MOCOS: variants seen among roughly 807,000 people sequenced by gnomAD.
The protein encoded by MOCOS is molybdenum cofactor sulfurase.
A neutral mutation model predicts 83.6 loss-of-function variants in MOCOS; 86 were observed. The observed-to-expected ratio is 1.03, with a 90% CI of 0.86 to 1.23. The LOEUF (loss-of-function observed/expected upper bound fraction) is 1.23. MOCOS is among the 50% of genes most tolerant of loss of function. The pLI is 0.00. For synonymous variants in MOCOS, 445 were observed against 434.7 expected (o/e 1.02, Z -0.29); for missense variants, 1,120 against 1,126.9 (o/e 0.99, Z 0.09).
chr18:36,194,460 G>A (rs1363593359), intron 1 of MOCOS, among the ~76,000 whole-genome samples: 1 of 152,194 alleles, frequency 6.6e-6, no homozygotes, highest in African/African-American at 2.4e-5. Flanking sequence ...GGATATTTAA[G>A]TTGTTTCCAA....
intron 9 of MOCOS, among the ~76,000 whole-genome samples, chr18:36,245,115 A>G (rs560620940): frequency 1.3e-3 from 196 of 152,230 alleles, no homozygotes; most frequent in Non-Finnish European, 2.1e-3. Context: ...CATTTAGGCC[A>G]TTTACATTCA....
rs948611606 is a variant in MOCOS, at chr18:36,200,337, C to G, written c.941+13C>G. The G allele has an allele frequency of 6.2e-7, 1 of 1,613,782 alleles. No individual in the cohort carries two copies. The highest frequency in any genetic ancestry group is 8.5e-7 in the Non-Finnish European group (1 of 1,180,012). On this transcript the variant is annotated intron_variant, in intron 4 of 14. Transcript: ENST00000261326. ...CGGTAGCTCAGAGGTAACCTTGCCA[C>G]AGGGGAGGGGTCAGAGGAGTTCAGC...
intron 1 of MOCOS, among the ~76,000 whole-genome samples, chr18:36,193,160 A>G (rs2091372773): frequency 6.7e-6 from 1 of 149,354 alleles, no homozygotes; most frequent in South Asian, 2.2e-4. Flanking sequence ...AAATACAAAA[A>G]ATTAGCCGGG....
At chr18:36,264,702 T>C (rs116632098) in intron 13 of MOCOS, among the ~76,000 whole-genome samples, 1 of 152,038 alleles carries the variant, frequency 6.6e-6, no homozygotes, top group African/African-American at 2.4e-5. Context: ...CCTGGGAATC[T>C]TGACTTCGGT....
At chr18:36,220,383 C>G (rs930032920) in intron 9 of MOCOS, among the ~76,000 whole-genome samples, 166 bp downstream of exon 9, 1 of 151,870 alleles carries the variant, frequency 6.6e-6, no homozygotes, top group Non-Finnish European at 1.5e-5. Context: ...GGAGCACGTG[C>G]CTGTAATCTC....
At chr18:36,247,192 T>A (rs1173695142) in intron 9 of MOCOS, among the ~76,000 whole-genome samples, 3 of 152,166 alleles carry the variant, frequency 2.0e-5, no homozygotes, top group Admixed American at 1.3e-4. Context: ...AAGGCCAGTC[T>A]CACTCCCACT....
chr18:36,220,156 G>C lies in MOCOS; in HGVS notation c.1899G>C (p.Arg633=). 1 of 1,614,120 alleles carries C rather than the reference G, an allele frequency of 6.2e-7. No individual in the cohort carries two copies. The highest frequency in any genetic ancestry group is 2.2e-5 in the East Asian group (1 of 44,882). ...GVCLSQKQEP[R]LCLIQPFIDL... The stretch of plus-strand genomic sequence containing the variant: ...GCCTGAGTCAGAAGCAGGAACCCCG[G>C]CTCTGCCTGATCCAGCCCTTCATCG... The change falls in exon 9 of 15, where the codon CGG becomes CGC. Residue 633 remains arginine (R), a synonymous_variant. Coordinates refer to ENST00000261326, the MANE Select transcript of MOCOS (RefSeq NM_017947.4).
chr18:36,257,346 T>C (rs533648463), intron 12 of MOCOS, among the ~76,000 whole-genome samples: 1 of 152,314 alleles, frequency 6.6e-6, no homozygotes, highest in African/African-American at 2.4e-5. Context: ...TGTTTAATCA[T>C]TCAATTTCTT....
chr18:36,211,476 C>A (rs564244263), intron 6 of MOCOS, among the ~76,000 whole-genome samples: 1 of 152,142 alleles, frequency 6.6e-6, no homozygotes, highest in Non-Finnish European at 1.5e-5. Context: ...ATATACATCC[C>A]TTAGCACAGG....
intron 1 of MOCOS, chr18:36,190,075 T>C (rs1779079292): frequency 6.6e-6 from 1 of 152,196 alleles, no homozygotes. Flanking sequence ...AATTAACCAT[T>C]GGACCAAAAG....
At chr18:36,194,455 TTTAAG>T (rs1288730537) in intron 1 of MOCOS, among the ~76,000 whole-genome samples, 2 of 152,250 alleles carry the variant, frequency 1.3e-5, no homozygotes, top group African/African-American at 2.4e-5. Flanking sequence ...TTGATGGATA[TTTAAG>T]TTGTTTCCAA....
At chr18:36,216,920 C>T (rs1412694017) in intron 8 of MOCOS, among the ~76,000 whole-genome samples, 1 of 152,146 alleles carries the variant, frequency 6.6e-6, no homozygotes, top group Non-Finnish European at 1.5e-5. Context: ...GGTCCTGAGG[C>T]ATTCCTACCA....
intron 9 of MOCOS, among the ~76,000 whole-genome samples, chr18:36,221,924 C>T (rs376695828): frequency 2.0e-5 from 3 of 152,098 alleles, no homozygotes; most frequent in South Asian, 4.2e-4. Context: ...AGGGTTTCTC[C>T]GTGTTGGTAA....
chr18:36,215,404 T>C, intron 7 of MOCOS, 112 bp from the exon 8 acceptor site: 1 of 1,011,212 alleles, frequency 9.9e-7, no homozygotes, highest in Non-Finnish European at 1.5e-6. Flanking sequence ...ATGTTGCAGT[T>C]CTGTTTTCCT....
At chr18:36,236,016 AG>A in intron 9 of MOCOS, among the ~76,000 whole-genome samples, 1 of 144,178 alleles carries the variant, frequency 6.9e-6, no homozygotes, top group Non-Finnish European at 1.5e-5. Flanking sequence ...AGTTCATTGT[AG>A]ATTCTGGATA....
chr18:36,250,813 T>C (rs592713), intron 10 of MOCOS, among the ~76,000 whole-genome samples: 87,463 of 151,978 alleles, frequency 0.58, 26,222 homozygotes, highest in African/African-American at 0.73. Flanking sequence ...AAATAGGACA[T>C]ATTTCTGGGT....
At chr18:36,202,813 G>A (rs1382634367) in intron 4 of MOCOS, among the ~76,000 whole-genome samples, 1 of 152,164 alleles carries the variant, frequency 6.6e-6, no homozygotes, top group Non-Finnish European at 1.5e-5. Context: ...GGCAGCAGGA[G>A]AGACAGAGAA....
chr18:36,205,359 G>A, intron 6 of MOCOS, 83 bp downstream of exon 6: 23 of 1,432,176 alleles, frequency 1.6e-5, no homozygotes, highest in Non-Finnish European at 2.2e-5. Flanking sequence ...CAAAGTCCAT[G>A]CACTGTTGAA....
At chr18:36,228,631 G>A (rs1395284986) in intron 9 of MOCOS, among the ~76,000 whole-genome samples, 1 of 152,108 alleles carries the variant, frequency 6.6e-6, no homozygotes, top group Admixed American at 6.5e-5. Flanking sequence ...GCTAAATGAT[G>A]AGAACACATG....
Sources: allele counts gnomAD v4.1 joint callset (sites outside exome capture counted in the v4.1 genomes callset), GRCh38; gene constraint gnomAD v4.1.1; transcripts MANE v1.5; gene names NCBI Gene and HGNC (gene_info 2026-07-23, HGNC 2026-07-21).